The following REEP1 variants were observed in gnomAD, a reference collection of about 807,000 sequenced individuals.
REEP1 encodes receptor accessory protein 1.
A neutral mutation model predicts 40.3 loss-of-function variants in REEP1; 22 were observed. That is an observed-to-expected ratio of 0.55 (90% CI 0.39 to 0.78). The LOEUF (loss-of-function observed/expected upper bound fraction) is 0.78, where lower values mean the gene tolerates loss of function less well. Ranked by LOEUF, REEP1 falls within the 30% of genes least tolerant of loss-of-function variation. The pLI, the probability that REEP1 is intolerant of heterozygous loss-of-function variation, is 0.00. For synonymous variants in REEP1, 116 were observed against 139.2 expected, an observed-to-expected ratio of 0.83 and a Z score of 1.17; for missense variants, 280 against 361.1, an observed-to-expected ratio of 0.78 and a Z score of 1.82.
At chr2:86,310,197 A>G (rs1315012657) in intron 1 of REEP1, among the ~76,000 whole-genome samples, 3 of 152,194 alleles carry the variant, frequency 2.0e-5, no homozygotes, top group Admixed American at 6.5e-5. Flanking sequence ...ATGATGCTCA[A>G]TGGCTCTGTT....
At chr2:86,296,113 G>A (rs1039277469) in intron 1 of REEP1, among the ~76,000 whole-genome samples, 6 of 152,192 alleles carry the variant, frequency 3.9e-5, no homozygotes, top group African/African-American at 1.4e-4. Flanking sequence ...ATAAGGGAAA[G>A]TCCAAGTGAA....
intron 1 of REEP1, among the ~76,000 whole-genome samples, chr2:86,323,582 C>T (rs72844646): frequency 0.028 from 4,289 of 152,258 alleles, 93 homozygotes; most frequent in Non-Finnish European, 0.038. Context: ...GAGAATTTAA[C>T]GAATGCCTGA....
intron 7 of REEP1, among the ~76,000 whole-genome samples, chr2:86,222,785 T>C (rs17027054): frequency 0.041 from 6,228 of 152,230 alleles, 450 homozygotes; most frequent in African/African-American, 0.14. Flanking sequence ...CCTTTTTATA[T>C]CAGGAAGGAG....
intron 2 of REEP1, among the ~76,000 whole-genome samples, chr2:86,280,536 C>T (rs1485954991): frequency 1.3e-5 from 2 of 152,088 alleles, no homozygotes; most frequent in African/African-American, 4.8e-5. Flanking sequence ...AGATTGCAGG[C>T]GGGAAAGGGT....
At chr2:86,232,256 T>C (rs1675060995) in intron 6 of REEP1, among the ~76,000 whole-genome samples, 1 of 152,122 alleles carries the variant, frequency 6.6e-6, no homozygotes, top group South Asian at 2.1e-4. Context: ...CAGGTATGCC[T>C]CCCCGGAGTC....
At chr2:86,270,640 T>C (rs1025580830) in intron 2 of REEP1, among the ~76,000 whole-genome samples, 5 of 152,014 alleles carry the variant, frequency 3.3e-5, no homozygotes, top group African/African-American at 1.2e-4. Flanking sequence ...AAGCACAATA[T>C]CTGAAATGAA....
At chr2:86,240,261 C>T (rs537120278) in intron 5 of REEP1, among the ~76,000 whole-genome samples, 6 of 152,310 alleles carry the variant, frequency 3.9e-5, no homozygotes, top group African/African-American at 7.2e-5. Flanking sequence ...GGAACAAAGA[C>T]GAGGATGGTA....
chr2:86,243,332 A>C (rs746768644), intron 5 of REEP1, among the ~76,000 whole-genome samples: 17 of 152,114 alleles, frequency 1.1e-4, no homozygotes, highest in Non-Finnish European at 2.2e-4. Context: ...ATTTCCTCAG[A>C]CCTCTAGGTT....
intron 3 of REEP1, among the ~76,000 whole-genome samples, chr2:86,259,563 T>C (rs923383796): frequency 6.6e-6 from 1 of 151,742 alleles, no homozygotes; most frequent in African/African-American, 2.4e-5. Flanking sequence ...ATTTTTGTAT[T>C]TTTTAGTAGA....
intron 5 of REEP1, among the ~76,000 whole-genome samples, chr2:86,236,808 C>T (rs1192282668): frequency 1.3e-5 from 2 of 151,714 alleles, no homozygotes; most frequent in African/African-American, 4.8e-5. Context: ...GCAATCTCGG[C>T]TCACTGCAAC....
chr2:86,324,157 C>G (rs982266580), intron 1 of REEP1, among the ~76,000 whole-genome samples: 1 of 151,902 alleles, frequency 6.6e-6, no homozygotes, highest in African/African-American at 2.4e-5. Flanking sequence ...AAAATGCTGT[C>G]TATTGCATTA....
intron 1 of REEP1, among the ~76,000 whole-genome samples, chr2:86,303,071 C>A (rs1384564098): frequency 6.6e-6 from 1 of 152,142 alleles, no homozygotes; most frequent in Non-Finnish European, 1.5e-5. Context: ...GAAATGGGGT[C>A]TTGCTCTGTC....
In REEP1 at chr2:86,215,023, C is replaced by CTTTTTTTTTTT. The variant is rs11350708; in HGVS notation, c.*2005_*2015dup. 7.7e-4 allele frequency: 46 copies of CTTTTTTTTTTT among 59,572 alleles called. No individual in the cohort carries two copies. The highest frequency in any genetic ancestry group is 0.022 in the Middle Eastern group (1 of 46). The allele number at this position is 59,572 out of a possible 1,614,324, so 3.7% of individuals were successfully genotyped here. ...AAAAATTGCTAAGAAGCTGTGTAAG[C>CTTTTTTTTTTT]TTTTTTTTTTTTTTTTTTTTTTTGC... On this transcript the variant is annotated 3_prime_UTR_variant, in exon 9 of 9. Coordinates refer to ENST00000538924, the MANE Select transcript of REEP1 (RefSeq NM_001371279.1).
At chr2:86,226,336 C>CAT (rs1192532855) in intron 7 of REEP1, among the ~76,000 whole-genome samples, 47 of 152,088 alleles carry the variant, frequency 3.1e-4, no homozygotes, top group Non-Finnish European at 6.0e-4. Context: ...ACAGGGCTCC[C>CAT]TTGGCTGCCC....
intron 8 of REEP1, among the ~76,000 whole-genome samples, chr2:86,219,458 T>C (rs1404737886): frequency 1.3e-5 from 2 of 150,568 alleles, no homozygotes; most frequent in Non-Finnish European, 3.0e-5. Context: ...TTTCTTTTTT[T>C]TTTTTTTTTT....
intron 1 of REEP1, among the ~76,000 whole-genome samples, chr2:86,302,864 A>G (rs1453686950): frequency 6.6e-6 from 1 of 151,854 alleles, no homozygotes; most frequent in Non-Finnish European, 1.5e-5. Flanking sequence ...TCCCCATCCT[A>G]TTGACCACAG....
chr2:86,273,140 C>CAAAA (rs35100792), intron 2 of REEP1, among the ~76,000 whole-genome samples: 71 of 144,760 alleles, frequency 4.9e-4, no homozygotes, highest in African/African-American at 1.3e-3. Context: ...GACCCTGTCT[C>CAAAA]AAAAAAAAAA....
At chr2:86,285,150 C>G (rs1054288874) in intron 1 of REEP1, among the ~76,000 whole-genome samples, 4 of 152,220 alleles carry the variant, frequency 2.6e-5, no homozygotes, top group Non-Finnish European at 5.9e-5. Context: ...GTTCACAGAG[C>G]CAGCAGCTGT....
chr2:86,292,295 G>C (rs745379561), intron 1 of REEP1, among the ~76,000 whole-genome samples: 11 of 152,202 alleles, frequency 7.2e-5, no homozygotes, highest in Non-Finnish European at 1.2e-4. Context: ...ACAAATATCA[G>C]TTCCCCTCCC....
Sources: allele counts gnomAD v4.1 joint callset (sites outside exome capture counted in the v4.1 genomes callset), GRCh38; gene constraint gnomAD v4.1.1; transcripts MANE v1.5; gene names NCBI Gene and HGNC (gene_info 2026-07-23, HGNC 2026-07-21).